HSH2D: variants seen among roughly 807,000 people sequenced by gnomAD.
HSH2D encodes the protein hematopoietic SH2 domain containing, also known as hematopoietic SH2 domain-containing protein.
HSH2D carries 16 observed loss-of-function variants against 21.5 expected under a neutral mutation model. That is an observed-to-expected ratio of 0.74 (90% CI 0.50 to 1.13). The LOEUF (loss-of-function observed/expected upper bound fraction) is 1.13. Among genes scored for constraint, HSH2D ranks in the 50% most tolerant of loss-of-function variants. The pLI is 0.00. For synonymous variants in HSH2D, 172 were observed against 184.7 expected, an observed-to-expected ratio of 0.93 and a Z score of 0.56; for missense variants, 418 against 441.4, an observed-to-expected ratio of 0.95 and a Z score of 0.47.
At chr19:16,135,942 A>G (rs1195506835) in intron 1 of HSH2D, among the ~76,000 whole-genome samples, 1 of 152,112 alleles carries the variant, frequency 6.6e-6, no homozygotes, top group Non-Finnish European at 1.5e-5. Context: ...AAGGGAGGAG[A>G]CATCCTCTTC....
chr19:16,142,900 G>A (rs2091013993), upstream of HSH2D, among the ~76,000 whole-genome samples: 2 of 152,010 alleles, frequency 1.3e-5, no homozygotes, highest in African/African-American at 2.4e-5. Flanking sequence ...AGCCTCCTGA[G>A]TAGCTGGGAT....
At position 16,154,449 on chromosome 19, in the gene HSH2D, A is replaced by T. The variant is rs537189088; in HGVS notation, c.432A>T (p.Ala144=). The T allele has an allele frequency of 2.6e-6, 4 of 1,552,772 alleles. No homozygotes were observed. The African/African-American group carries it at 5.5e-5, about 21-fold the overall frequency. Residue 144 remains alanine (A), a synonymous_variant, in exon 5 of 6, where the codon GCA becomes GCT. Transcript: ENST00000613986. ...AGGATCTCTTCCTCTACTCCAACGC[A>T]GTGGCCGAGGAAGCTGCCTGCCCGG... The part of the protein sequence containing the change: ...DYEDLFLYSN[A]VAEEAACPVS...
chr19:16,144,705 T>C (rs1463524834), intron 1 of HSH2D, among the ~76,000 whole-genome samples: 6 of 135,038 alleles, frequency 4.4e-5, no homozygotes, highest in Non-Finnish European at 9.9e-5. Context: ...TTTTTTTTTT[T>C]TTTTTGAGAC....
intron 1 of HSH2D, among the ~76,000 whole-genome samples, chr19:16,137,706 CAAG>C (rs1386000967): frequency 6.6e-6 from 1 of 152,160 alleles, no homozygotes; most frequent in Non-Finnish European, 1.5e-5. Flanking sequence ...CTTAGCCTCC[CAAG>C]TAGCTGGTAC....
At chr19:16,153,022 G>GC in intron 3 of HSH2D, 21 bp from the exon 4 acceptor site, 2 of 1,603,312 alleles carry the variant, frequency 1.2e-6, no homozygotes, top group South Asian at 2.2e-5. Flanking sequence ...GGATGTCCCA[G>GC]CCCCCGCAGT....
Position 16,157,961 on chromosome 19 carries a change from G to A in HSH2D, c.*167G>A. Reference sequence around the variant, plus strand: ...GTCTGTTCCTGCACTCACCCATGGGGTGAGCTGGTTATTTTAGCAACAATC... The same window carrying A: ...GTCTGTTCCTGCACTCACCCATGGGATGAGCTGGTTATTTTAGCAACAATC... On this transcript the variant is annotated 3_prime_UTR_variant, in exon 6 of 6. Transcript: ENST00000613986. The surrounding 1 kb of genome is among the most constrained non-coding windows in gnomAD (Gnocchi z 4.4). 2 of 573,376 alleles carry A rather than the reference G, an allele frequency of 3.5e-6. No individual in the cohort carries two copies. The highest frequency in any genetic ancestry group is 6.1e-6 in the Non-Finnish European group (2 of 325,796). The allele number at this position is 573,376 out of a possible 1,614,324, so 35.5% of individuals were successfully genotyped here. A position where few individuals can be genotyped will look rare whatever the true frequency, so the allele number is the denominator to read the frequency against.
At chr19:16,144,325 C>T (rs1394605855) in intron 1 of HSH2D, among the ~76,000 whole-genome samples, 1 of 151,156 alleles carries the variant, frequency 6.6e-6, no homozygotes, top group Non-Finnish European at 1.5e-5. Flanking sequence ...CAGGGGGGAA[C>T]GTTGGGGACA....
chr19:16,143,343 C>G (rs1337653052), upstream of HSH2D, among the ~76,000 whole-genome samples: 2 of 152,196 alleles, frequency 1.3e-5, no homozygotes, highest in African/African-American at 4.8e-5. Context: ...CTCAGCCTGT[C>G]AAAGTGCTGG....
At chr19:16,143,616 C>T (rs552046497), upstream of HSH2D, 5 of 353,186 alleles carry the variant, frequency 1.4e-5, no homozygotes, top group South Asian at 9.7e-5. Flanking sequence ...TTGAGCTGTC[C>T]TTGTTCCGCC....
At chr19:16,144,517 T>C (rs921289453) in intron 1 of HSH2D, among the ~76,000 whole-genome samples, 4 of 146,330 alleles carry the variant, frequency 2.7e-5, no homozygotes, top group Middle Eastern at 3.2e-3. Flanking sequence ...TATATATCTC[T>C]ATATATACAC....
At chr19:16,148,675 A>G in intron 1 of HSH2D, 49 bp from the exon 2 acceptor site, 2 of 1,559,972 alleles carry the variant, frequency 1.3e-6, no homozygotes, top group Non-Finnish European at 8.8e-7. Context: ...GAGCAAAGAT[A>G]AGAGGTGCAT....
chr19:16,148,204 A>G (rs551131773), intron 1 of HSH2D, among the ~76,000 whole-genome samples: 5 of 152,054 alleles, frequency 3.3e-5, no homozygotes, highest in Non-Finnish European at 7.4e-5. Context: ...GCTGGAGCAC[A>G]GTGGCATGAT....
At chr19:16,143,672 C>G (rs1421488041), upstream of HSH2D, 2 of 427,822 alleles carry the variant, frequency 4.7e-6, no homozygotes, top group African/African-American at 4.1e-5. Flanking sequence ...CTCGGGGCAG[C>G]CAGCCCCGCC....
At chr19:16,142,412 TTTTG>T (rs1006066304), upstream of HSH2D, among the ~76,000 whole-genome samples, 4 of 152,352 alleles carry the variant, frequency 2.6e-5, no homozygotes, top group Non-Finnish European at 4.4e-5. Flanking sequence ...CTTTGGATTT[TTTTG>T]TTTGTTTGGG....
In HSH2D at chr19:16,157,430, C is replaced by A; in HGVS notation, c.695C>A (p.Ser232Ter). The A allele has an allele frequency of 6.2e-7, 1 of 1,613,900 alleles. No homozygotes were observed. The highest frequency in any genetic ancestry group is 8.5e-7 in the Non-Finnish European group (1 of 1,179,878). Residue 232 changes from serine (S) to a stop codon, truncating the protein, a stop_gained, in exon 6 of 6, where the codon TCA becomes TAA. Transcript: ENST00000613986. LOFTEE classifies it low-confidence loss of function (END_TRUNC). The surrounding 1 kb of genome is among the most constrained non-coding windows in gnomAD (Gnocchi z 4.4). ...KSHLATVNLS[S>*]LLDVRRSTVI... is the part of the protein sequence containing the mutation. ...CACCTCGCCACTGTGAACTTGTCGTCACTCTTGGATGTCCGGAGATCCACG... is the reference window on the plus strand; with the variant it reads ...CACCTCGCCACTGTGAACTTGTCGTAACTCTTGGATGTCCGGAGATCCACG...
intron 4 of HSH2D, 47 bp from the exon 5 acceptor site, chr19:16,154,352 C>A (rs117103057): frequency 0.016 from 21,788 of 1,368,266 alleles, 223 homozygotes; most frequent in Non-Finnish European, 0.018. Context: ...CGTGCAGGAC[C>A]TTTCCCCCTC....
At chr19:16,149,153 G>A (rs1397727270) in intron 2 of HSH2D, among the ~76,000 whole-genome samples, 5 of 152,084 alleles carry the variant, frequency 3.3e-5, no homozygotes, top group African/African-American at 1.2e-4. Flanking sequence ...CCCACACCTC[G>A]CCCAGGCCAA....
Position 16,157,428 on chromosome 19 carries a change from G to A in HSH2D, c.693G>A (p.Ser231=), listed in dbSNP as rs547179739. The change falls in exon 6 of 6, where the codon TCG becomes TCA. Residue 231 remains serine, a synonymous_variant. Coordinates refer to ENST00000613986, the MANE Select transcript of HSH2D (RefSeq NM_001382417.1). This position sits in a 1 kb window ranked among gnomAD's most constrained non-coding sequence, Gnocchi z 4.4. ...LKSHLATVNL[S]SLLDVRRSTV... ...GCCACCTCGCCACTGTGAACTTGTC[G>A]TCACTCTTGGATGTCCGGAGATCCA... 7.0e-5 allele frequency: 113 copies of A among 1,613,816 alleles called. No homozygotes were observed. The East Asian group carries it at 1.4e-3, about 21-fold the overall frequency.
At chr19:16,152,467 A>T in intron 2 of HSH2D, 85 bp from the exon 3 acceptor site, 1 of 735,770 alleles carries the variant, frequency 1.4e-6, no homozygotes, top group Non-Finnish European at 2.0e-6. Context: ...AGCCTTCTCC[A>T]TGAATGATCC....
Sources: allele counts gnomAD v4.1 joint callset (sites outside exome capture counted in the v4.1 genomes callset), GRCh38; gene constraint gnomAD v4.1.1; non-coding constraint Gnocchi (gnomAD v3.1); transcripts MANE v1.5; gene names NCBI Gene and HGNC (gene_info 2026-07-23, HGNC 2026-07-21).